The following SLC19A1 variants were observed in gnomAD, a reference collection of about 807,000 sequenced individuals.
The protein encoded by SLC19A1 is reduced folate transporter.
Under a neutral mutation model 35.3 loss-of-function variants are expected in SLC19A1, and 37 were observed. That is an observed-to-expected ratio of 1.05 (90% CI 0.81 to 1.38). The LOEUF (loss-of-function observed/expected upper bound fraction) is 1.38. Among genes scored for constraint, SLC19A1 ranks in the 40% most tolerant of loss-of-function variants. SLC19A1 has a pLI of 0.00. For synonymous variants in SLC19A1, 460 were observed against 398.5 expected (o/e 1.15, Z -1.84); for missense variants, 831 against 826.9 (o/e 1.00, Z -0.06).
downstream of SLC19A1, among the ~76,000 whole-genome samples, chr21:45,511,571 A>G (rs2037610525): frequency 6.6e-6 from 1 of 152,098 alleles, no homozygotes; most frequent in African/African-American, 2.4e-5. Flanking sequence ...AACTCCTCAA[A>G]GGGCAACACG....
chr21:45,509,157 G>C (rs183058482), downstream of SLC19A1, among the ~76,000 whole-genome samples: 4 of 152,056 alleles, frequency 2.6e-5, no homozygotes, highest in Non-Finnish European at 5.9e-5. Context: ...GGTGACCCGC[G>C]ATCCGGCGCC....
chr21:45,558,472 C>T (rs1003318926), intron 1 of SLC19A1, among the ~76,000 whole-genome samples: 12 of 152,312 alleles, frequency 7.9e-5, no homozygotes, highest in South Asian at 6.2e-4. Context: ...TGCTGGCCGG[C>T]GAGCCTTGGG....
chr21:45,512,164 C>T (rs756312334), downstream of SLC19A1: 1 of 1,601,738 alleles, frequency 6.2e-7, no homozygotes, highest in Non-Finnish European at 8.5e-7. Context: ...CTGGGTTTGA[C>T]TGACGGCCCG....
At position 45,530,581 on chromosome 21, in the gene SLC19A1, C is replaced by T. The variant is rs61691989; in HGVS notation, c.1151+189G>A. Reference sequence around the variant, plus strand: ...TGGAGGGCCTGGGGGAGCAGCAAGACGGCACAGGAAGGGACGCCCGAGGTC... The same window carrying T: ...TGGAGGGCCTGGGGGAGCAGCAAGATGGCACAGGAAGGGACGCCCGAGGTC... On this transcript the variant is annotated intron_variant, in intron 4 of 5. Transcript: ENST00000311124. The surrounding 1 kb of genome is among the most constrained non-coding windows in gnomAD (Gnocchi z 5.3). 0.011 allele frequency among the ~76,000 whole-genome samples: 1,641 copies of T among 152,216 alleles called. 22 individuals carry two copies. The highest frequency in any genetic ancestry group is 0.034 in the African/African-American group (1,402 of 41,544).
intron 4 of SLC19A1, among the ~76,000 whole-genome samples, chr21:45,529,176 G>C (rs752154970): frequency 2.6e-5 from 4 of 152,228 alleles, no homozygotes; most frequent in Non-Finnish European, 5.9e-5. Flanking sequence ...AGTATGGCAG[G>C]GGCGGGAGAG....
chr21:45,515,524 G>T lies in SLC19A1; in HGVS notation c.*134C>A. The stretch of plus-strand genomic sequence containing the variant: ...GGCCACCGCCAGAGTGCGGCACAGG[G>T]CAGGGGGAATCCTAGGGGGCCTGCT... On this transcript the variant is annotated 3_prime_UTR_variant, in exon 6 of 6. Coordinates refer to ENST00000311124, the MANE Select transcript of SLC19A1 (RefSeq NM_194255.4). The T allele has an allele frequency of 6.5e-7, 1 of 1,528,112 alleles. No homozygotes were observed. 94.7% of individuals were successfully genotyped at this position (1,528,112 alleles called of 1,614,324 possible). A position where few individuals can be genotyped will look rare whatever the true frequency, so the allele number is the denominator to read the frequency against.
chr21:45,521,250 A>C (rs1269452905), intron 5 of SLC19A1, among the ~76,000 whole-genome samples: 1 of 152,228 alleles, frequency 6.6e-6, no homozygotes, highest in Non-Finnish European at 1.5e-5. Flanking sequence ...TGGCAGCCCA[A>C]ACAGACTAAT....
chr21:45,559,385 C>A (rs984473967), intron 1 of SLC19A1, among the ~76,000 whole-genome samples: 4 of 152,186 alleles, frequency 2.6e-5, no homozygotes, highest in Admixed American at 1.3e-4. Flanking sequence ...GAGACAAACA[C>A]ACACACTGAA....
At chr21:45,508,184 T>G (rs139452043), downstream of SLC19A1, among the ~76,000 whole-genome samples, 854 of 138,822 alleles carry the variant, frequency 6.2e-3, 7 homozygotes, top group East Asian at 0.039. Context: ...GGGAGATGGA[T>G]GGATGGTGGA....
At chr21:45,558,140 G>A in intron 1 of SLC19A1, among the ~76,000 whole-genome samples, 1 of 152,268 alleles carries the variant, frequency 6.6e-6, no homozygotes, top group East Asian at 1.9e-4. Context: ...GAGACTGGAG[G>A]CGGCTTCTGA....
intron 1 of SLC19A1, among the ~76,000 whole-genome samples, chr21:45,538,970 G>A (rs574233964): frequency 6.6e-6 from 1 of 152,204 alleles, no homozygotes; most frequent in Non-Finnish European, 1.5e-5. Context: ...TCCTGATTCT[G>A]CCCAGGAGAA....
At chr21:45,548,999 C>T (rs560945016), upstream of SLC19A1, among the ~76,000 whole-genome samples, 16 of 152,232 alleles carry the variant, frequency 1.1e-4, no homozygotes, top group Admixed American at 3.9e-4. Flanking sequence ...GAGTTTAACA[C>T]GTGTCTACTT....
Position 45,516,067 on chromosome 21 carries a change from C to T in SLC19A1, c.1367G>A (p.Arg456Gln), listed in dbSNP as rs59841046. 46 of 1,593,398 alleles carry T rather than the reference C, an allele frequency of 2.9e-5. No individual in the cohort carries two copies. The East Asian group carries it at 5.0e-4, about 17-fold the overall frequency. ...YFLGAMLDGLRHCQRGHHPRQ... is the reference protein window; with the variant it reads ...YFLGAMLDGLQHCQRGHHPRQ... ...CGGGTGGTGGCCCCGCTGGCAGTGCCGCAGGCCATCCAGCATGGCCCCCAA... is the reference window on the plus strand; with the variant it reads ...CGGGTGGTGGCCCCGCTGGCAGTGCTGCAGGCCATCCAGCATGGCCCCCAA... The change falls in exon 6 of 6, where the codon CGG (arginine) becomes CAG (glutamine). Residue 456 changes from arginine (R) to glutamine (Q), a missense_variant. Coordinates refer to ENST00000311124, the MANE Select transcript of SLC19A1 (RefSeq NM_194255.4).
intron 2 of SLC19A1, among the ~76,000 whole-genome samples, chr21:45,532,938 G>C (rs1008247059): frequency 3.3e-5 from 5 of 152,170 alleles, no homozygotes; most frequent in Non-Finnish European, 7.3e-5. Context: ...GGGGGAACCC[G>C]GCAGGGGAAG....
At chr21:45,555,862 C>T (rs2078556036) in intron 1 of SLC19A1, among the ~76,000 whole-genome samples, 2 of 152,260 alleles carry the variant, frequency 1.3e-5, no homozygotes, top group Admixed American at 6.5e-5. Context: ...TCCACGTGGT[C>T]CCTGCGGGCC....
chr21:45,504,442 A>G, intron 3 of SLC19A1: 2 of 1,611,706 alleles, frequency 1.2e-6, no homozygotes, highest in Non-Finnish European at 1.7e-6. Context: ...GAGGTGATGC[A>G]GGACAGAAAG....
chr21:45,558,208 G>C (rs954719690), intron 1 of SLC19A1, among the ~76,000 whole-genome samples: 1 of 152,212 alleles, frequency 6.6e-6, no homozygotes, highest in African/African-American at 2.4e-5. Context: ...GACAGATCAG[G>C]CCAGACAAGT....
rs1453683795 is a variant in SLC19A1, at chr21:45,533,819, C to T, written c.190-1671G>A. On this transcript the variant is annotated intron_variant, in intron 2 of 5. Transcript: ENST00000311124. The surrounding 1 kb of genome is among the most constrained non-coding windows in gnomAD (Gnocchi z 4.5). ...CCGCCTCCCCGGGGGCTCTCAGCCT[C>T]GTGTCTGGCACACCCAAGATGTGTG... 6.6e-6 allele frequency among the ~76,000 whole-genome samples: 1 copy of T among 152,196 alleles called. No individual in the cohort carries two copies. Among genetic ancestry groups the T allele is most frequent in the Admixed American group, 6.5e-5 (1 of 15,290 alleles).
At chr21:45,510,087 C>T (rs1177384553), downstream of SLC19A1, 6 of 1,582,946 alleles carry the variant, frequency 3.8e-6, no homozygotes, top group African/African-American at 1.3e-5. Flanking sequence ...CGCTCAACAG[C>T]CCCCTGTCAG....
Sources: allele counts gnomAD v4.1 joint callset (sites outside exome capture counted in the v4.1 genomes callset), GRCh38; gene constraint gnomAD v4.1.1; non-coding constraint Gnocchi (gnomAD v3.1); transcripts MANE v1.5; gene names NCBI Gene and HGNC (gene_info 2026-07-23, HGNC 2026-07-21).